The following FGD6 variants were observed in gnomAD, a reference collection of about 807,000 sequenced individuals.
FGD6 encodes FYVE, RhoGEF and PH domain-containing protein 6.
FGD6 carries 90 observed loss-of-function variants against 149.4 expected under a neutral mutation model. The observed-to-expected ratio is 0.60, with a 90% CI of 0.51 to 0.72. The LOEUF (loss-of-function observed/expected upper bound fraction) is 0.72. Ranked by LOEUF, FGD6 falls within the 30% of genes least tolerant of loss-of-function variation. FGD6 has a pLI of 0.00. For synonymous variants in FGD6, 527 were observed against 584.0 expected (o/e 0.90, Z 1.41); for missense variants, 1,437 against 1,684.8 (o/e 0.85, Z 2.57).
intron 3 of FGD6, among the ~76,000 whole-genome samples, chr12:95,161,237 T>C (rs546644461): frequency 8.6e-5 from 13 of 151,308 alleles, no homozygotes; most frequent in Non-Finnish European, 1.9e-4. Context: ...GGCTCACACC[T>C]GTAATCCCAG....
At chr12:95,163,163 T>C (rs1331036696) in intron 3 of FGD6, among the ~76,000 whole-genome samples, 1 of 152,140 alleles carries the variant, frequency 6.6e-6, no homozygotes. Context: ...ACCAGGCTTC[T>C]CCCTCCTCCT....
intron 2 of FGD6, among the ~76,000 whole-genome samples, chr12:95,204,503 C>T (rs1292998219): frequency 6.6e-6 from 1 of 152,158 alleles, no homozygotes; most frequent in East Asian, 1.9e-4. Context: ...TACCCTTCCC[C>T]CTTATCACTC....
intron 2 of FGD6, among the ~76,000 whole-genome samples, chr12:95,207,186 G>T (rs1332754682): frequency 6.6e-6 from 1 of 152,052 alleles, no homozygotes; most frequent in East Asian, 1.9e-4. Context: ...AAGATCTGAT[G>T]GTTCTATAAT....
intron 3 of FGD6, among the ~76,000 whole-genome samples, chr12:95,155,789 A>G (rs1280593689): frequency 6.6e-6 from 1 of 152,184 alleles, no homozygotes; most frequent in African/African-American, 2.4e-5. Flanking sequence ...AAAGTTGACT[A>G]TTTGTTGTGG....
intron 3 of FGD6, among the ~76,000 whole-genome samples, chr12:95,168,710 C>T (rs1367414980): frequency 6.6e-6 from 1 of 151,942 alleles, no homozygotes; most frequent in Non-Finnish European, 1.5e-5. Context: ...TAAGCATTCA[C>T]TTTGTGTTAA....
chr12:95,101,035 A>G (rs1878411494), intron 14 of FGD6: 7 of 306,174 alleles, frequency 2.3e-5, no homozygotes, highest in South Asian at 2.2e-4. Flanking sequence ...ATTGATAAGA[A>G]GAATGGAAAT....
At chr12:95,183,050 T>C (rs2136289065) in intron 2 of FGD6, among the ~76,000 whole-genome samples, 1 of 152,294 alleles carries the variant, frequency 6.6e-6, no homozygotes, top group South Asian at 2.1e-4. Context: ...TGATTGTGAG[T>C]CAGCACAAAA....
intron 8 of FGD6, among the ~76,000 whole-genome samples, chr12:95,125,001 T>G (rs1879294149): frequency 6.6e-6 from 1 of 152,184 alleles, no homozygotes; most frequent in Non-Finnish European, 1.5e-5. Context: ...AAAAAATATT[T>G]TATTACTGTG....
intron 2 of FGD6, among the ~76,000 whole-genome samples, chr12:95,196,590 A>G (rs991820412): frequency 6.6e-6 from 1 of 152,070 alleles, no homozygotes; most frequent in South Asian, 2.1e-4. Flanking sequence ...TTAAAACAAG[A>G]CAAACCAAGT....
At chr12:95,177,032 T>C (rs1343237880) in intron 2 of FGD6, among the ~76,000 whole-genome samples, 1 of 152,118 alleles carries the variant, frequency 6.6e-6, no homozygotes, top group African/African-American at 2.4e-5. Context: ...TTCACCATGT[T>C]GGCCAGGCTG....
chr12:95,133,643 G>A (rs892575440), intron 8 of FGD6, among the ~76,000 whole-genome samples: 3 of 152,164 alleles, frequency 2.0e-5, no homozygotes, highest in African/African-American at 7.2e-5. Context: ...CTTTACGGTT[G>A]TGGCCACATT....
At chr12:95,128,606 A>G (rs1799663702) in intron 8 of FGD6, among the ~76,000 whole-genome samples, 1 of 152,200 alleles carries the variant, frequency 6.6e-6, no homozygotes, top group Non-Finnish European at 1.5e-5. Flanking sequence ...TAAACAACTA[A>G]AAGATTTAGT....
At chr12:95,213,538 T>A (rs893328353) in intron 1 of FGD6, among the ~76,000 whole-genome samples, 34 of 152,368 alleles carry the variant, frequency 2.2e-4, no homozygotes, top group African/African-American at 7.7e-4. Context: ...TTATCTTATG[T>A]GCTATTTTAC....
At chr12:95,111,778 C>T (rs1372061769) in intron 9 of FGD6, among the ~76,000 whole-genome samples, 1 of 151,976 alleles carries the variant, frequency 6.6e-6, no homozygotes, top group African/African-American at 2.4e-5. Context: ...TGTCAGATCC[C>T]CAACCACAAG....
intron 5 of FGD6, among the ~76,000 whole-genome samples, chr12:95,146,808 C>A (rs1206225484): frequency 6.6e-6 from 1 of 152,156 alleles, no homozygotes; most frequent in Non-Finnish European, 1.5e-5. Flanking sequence ...TTAAGTTGAT[C>A]TTTAATTCTT....
At chr12:95,142,780 TC>T (rs1156923318) in intron 5 of FGD6, among the ~76,000 whole-genome samples, 1 of 152,214 alleles carries the variant, frequency 6.6e-6, no homozygotes, top group Admixed American at 6.5e-5. Flanking sequence ...CCTGAAATTC[TC>T]CCCTCCCTCT....
chr12:95,212,963 A>G (rs1033156007), intron 1 of FGD6, among the ~76,000 whole-genome samples: 1 of 152,252 alleles, frequency 6.6e-6, no homozygotes, highest in Non-Finnish European at 1.5e-5. Flanking sequence ...CATCATCAAT[A>G]AAAAATTATT....
rs1334473579 is a variant in FGD6, at chr12:95,209,250, C to T, written c.2034G>A (p.Leu678=). 6.2e-7 allele frequency: 1 copy of T among 1,613,982 alleles called. No homozygotes were observed. The highest frequency in any genetic ancestry group is 8.5e-7 in the Non-Finnish European group (1 of 1,180,034). ...GTTTACTTCTCTTCTCCTCTCCTAC[C>T]AACAAGCCTTGCCAATCACTTTCAA... ...KGIESDWQGL[L]VGEEKRSKPI... is the part of the protein sequence containing the mutation. The change falls in exon 2 of 21, where the codon TTG becomes TTA. Residue 678 remains leucine, a synonymous_variant. Transcript: ENST00000343958.
At chr12:95,204,988 C>T (rs1040771505) in intron 2 of FGD6, among the ~76,000 whole-genome samples, 1 of 152,170 alleles carries the variant, frequency 6.6e-6, no homozygotes, top group Non-Finnish European at 1.5e-5. Context: ...TAAATGTAGG[C>T]TAGGCATGGT....
Sources: gnomAD v4.1 joint callset for allele counts (sites outside exome capture counted in the v4.1 genomes callset) on GRCh38, gnomAD v4.1.1 for gene constraint, MANE v1.5 for transcripts, NCBI Gene and HGNC (gene_info 2026-07-23, HGNC 2026-07-21) for gene names.